RNF19A: variants seen among roughly 807,000 people sequenced by gnomAD.
RNF19A encodes ring finger protein 19A, RBR E3 ubiquitin protein ligase, also known as E3 ubiquitin-protein ligase RNF19A.
A neutral mutation model predicts 75.7 loss-of-function variants in RNF19A; 32 were observed. The ratio of observed to expected loss-of-function variants is 0.42; its 90% CI spans 0.32 to 0.57. The LOEUF (loss-of-function observed/expected upper bound fraction) is 0.57. Among genes scored for constraint, RNF19A ranks in the 20% least tolerant of loss-of-function variants. The pLI is 0.10. For synonymous variants in RNF19A, 335 were observed against 345.2 expected, an observed-to-expected ratio of 0.97 and a Z score of 0.33; for missense variants, 782 against 1,036.3, an observed-to-expected ratio of 0.75 and a Z score of 3.37.
At chr8:100,277,555 G>T (rs1030336255) in intron 2 of RNF19A, among the ~76,000 whole-genome samples, 3 of 151,902 alleles carry the variant, frequency 2.0e-5, no homozygotes, top group Admixed American at 6.6e-5. Context: ...CTTGTGATCT[G>T]CCCGCCTCAG....
chr8:100,298,374 A>C (rs1821671495), intron 1 of RNF19A, among the ~76,000 whole-genome samples: 1 of 152,212 alleles, frequency 6.6e-6, no homozygotes, highest in African/African-American at 2.4e-5. Context: ...ACCTACCTCA[A>C]GTGGTCTAAT....
chr8:100,274,937 A>C lies in RNF19A; in HGVS notation c.883+16T>G. 2.5e-6 allele frequency: 4 copies of C among 1,571,910 alleles called. No homozygotes were observed. Among genetic ancestry groups the C allele is most frequent in the Non-Finnish European group, 3.5e-6 (4 of 1,153,258 alleles). On this transcript the variant is annotated intron_variant, in intron 3 of 9. Coordinates refer to ENST00000341084, the MANE Select transcript of RNF19A (RefSeq NM_183419.4). The stretch of plus-strand genomic sequence containing the variant: ...TTGTGTCAAATATTTTATTAGAAAA[A>C]ATTAGACATAAATACCTGCTGCTCC...
intron 5 of RNF19A, among the ~76,000 whole-genome samples, chr8:100,265,763 G>T (rs921319944): frequency 1.3e-5 from 2 of 152,178 alleles, no homozygotes; most frequent in African/African-American, 4.8e-5. Context: ...GGGGTGGGAG[G>T]TGGGTGATGC....
chr8:100,314,620 ACTTT>A (rs772269196), upstream of RNF19A, among the ~76,000 whole-genome samples: 1 of 151,910 alleles, frequency 6.6e-6, no homozygotes. The surrounding 1 kb of genome is among the most constrained non-coding windows in gnomAD (Gnocchi z 4.1). Context: ...CACCCTGCTA[ACTTT>A]CTTTCTCTTT....
At chr8:100,297,953 T>G (rs1443287993) in intron 1 of RNF19A, among the ~76,000 whole-genome samples, 1 of 152,128 alleles carries the variant, frequency 6.6e-6, no homozygotes, top group South Asian at 2.1e-4. Context: ...ATATCTTGAG[T>G]TCAAGTTCAG....
At chr8:100,280,051 TATAATC>T (rs1257931624) in intron 2 of RNF19A, among the ~76,000 whole-genome samples, 1 of 152,214 alleles carries the variant, frequency 6.6e-6, no homozygotes, top group Non-Finnish European at 1.5e-5. Flanking sequence ...TATGATTACT[TATAATC>T]ATAATTCCTC....
chr8:100,305,819 A>C (rs1362203355), intron 1 of RNF19A, among the ~76,000 whole-genome samples: 1 of 152,210 alleles, frequency 6.6e-6, no homozygotes, highest in Non-Finnish European at 1.5e-5. Context: ...GTGATTATGC[A>C]TTAGAATAAC....
intron 1 of RNF19A, among the ~76,000 whole-genome samples, chr8:100,334,492 T>C (rs1033418313): frequency 2.6e-5 from 4 of 152,222 alleles, no homozygotes; most frequent in African/African-American, 9.6e-5. Flanking sequence ...GGCAAATTAG[T>C]TGAAGCCCCA....
intron 1 of RNF19A, chr8:100,309,605 C>T: frequency 4.2e-6 from 4 of 960,418 alleles, no homozygotes; most frequent in Non-Finnish European, 5.0e-6. Flanking sequence ...CCACCTCGGC[C>T]CCCGCGGCCC....
chr8:100,312,662 G>A (rs1563871904), upstream of RNF19A, among the ~76,000 whole-genome samples: 1 of 152,154 alleles, frequency 6.6e-6, no homozygotes. Context: ...AGTGGCTCAC[G>A]CCTGTAATCC....
rs185117238 is a variant in RNF19A at position 100,260,979 on chromosome 8, G to A, written c.1682+563C>T. ...GAGGTAAGATCTAGGCTTAAGTACT[G>A]CCTTTGCTTCAATGTCTACTGAAGC... On this transcript the variant is annotated intron_variant, in intron 8 of 9. Coordinates refer to ENST00000341084, the MANE Select transcript of RNF19A (RefSeq NM_183419.4). This position sits in a 1 kb window ranked among gnomAD's most constrained non-coding sequence, Gnocchi z 4.1. Among the ~76,000 whole-genome samples, 5 of 152,290 alleles carry A rather than the reference G, an allele frequency of 3.3e-5. No individual in the cohort carries two copies. Among genetic ancestry groups the A allele is most frequent in the East Asian group, 1.9e-4 (1 of 5,190 alleles).
chr8:100,319,518 A>C, intron 1 of RNF19A, among the ~76,000 whole-genome samples: 1 of 145,962 alleles, frequency 6.9e-6, no homozygotes, highest in African/African-American at 2.5e-5. Context: ...AGTTTTACCT[A>C]TCTGGTTCAC....
At position 100,275,028 on chromosome 8, in the gene RNF19A, C is replaced by G. The variant is rs1820437505; in HGVS notation, c.808G>C (p.Glu270Gln). ...CTCAAACGTAAGCTCTGGGCTCTCT[C>G]TTGTCGAGCAGCATCACAGGTCTGG... Reference protein sequence around the residue: ...PNQTCDAARQERAQSLRLRTI... With the variant: ...PNQTCDAARQQRAQSLRLRTI... Residue 270 changes from glutamate to glutamine, a missense_variant, in exon 3 of 10, where the codon GAG becomes CAG. By Grantham distance (29) the Glu-to-Gln change is conservative. Transcript: ENST00000341084. The surrounding 1 kb of genome is among the most constrained non-coding windows in gnomAD (Gnocchi z 4.3). 3 of 1,614,058 alleles carry G rather than the reference C, an allele frequency of 1.9e-6. No individual in the cohort carries two copies. The highest frequency in any genetic ancestry group is 2.5e-6 in the Non-Finnish European group (3 of 1,180,040).
At chr8:100,309,146 C>A (rs1822183892) in intron 1 of RNF19A, among the ~76,000 whole-genome samples, 1 of 152,132 alleles carries the variant, frequency 6.6e-6, no homozygotes, top group East Asian at 1.9e-4. Flanking sequence ...GTATTACTTG[C>A]CGGGCGAGGG....
Position 100,259,373 on chromosome 8 carries a change from C to T in RNF19A, c.1827-127G>A, listed in dbSNP as rs1819606960. 12 of 691,092 alleles carry T rather than the reference C, an allele frequency of 1.7e-5. No homozygotes were observed. In the East Asian group the frequency reaches 2.8e-4, roughly 16 times the overall value. The allele number at this position is 691,092 out of a possible 1,614,324, so 42.8% of individuals were successfully genotyped here. A position where few individuals can be genotyped will look rare whatever the true frequency, so the allele number is the denominator to read the frequency against. On this transcript the variant is annotated intron_variant, in intron 9 of 9. Transcript: ENST00000341084. This position sits in a 1 kb window ranked among gnomAD's most constrained non-coding sequence, Gnocchi z 4.5. The stretch of plus-strand genomic sequence containing the variant: ...GCTATGAGAACACCTTAACGCAGAA[C>T]ACGTTCTACTTAAAAAACATACTTG...
At chr8:100,282,664 A>G (rs1426712114) in intron 2 of RNF19A, among the ~76,000 whole-genome samples, 1 of 152,216 alleles carries the variant, frequency 6.6e-6, no homozygotes, top group African/African-American at 2.4e-5. Flanking sequence ...GGATAAAATC[A>G]AAGTAGGATC....
rs1310305151 is a variant in RNF19A, at chr8:100,260,778, A to G, written c.1682+764T>C. On this transcript the variant is annotated intron_variant, in intron 8 of 9. Coordinates refer to ENST00000341084, the MANE Select transcript of RNF19A (RefSeq NM_183419.4). The surrounding 1 kb of genome is among the most constrained non-coding windows in gnomAD (Gnocchi z 4.1). The stretch of plus-strand genomic sequence containing the variant: ...GGAAGATAATTTTTCCTACTTATCT[A>G]TATGGCTATTGATAAAAGACTTGGT... Among the ~76,000 whole-genome samples the G allele has an allele frequency of 6.6e-6, 1 of 152,232 alleles. No homozygotes were observed. Among genetic ancestry groups the G allele is most frequent in the Non-Finnish European group, 1.5e-5 (1 of 68,040 alleles).
rs960130912 is a variant in RNF19A at position 100,264,416 on chromosome 8, T to C, written c.1307-221A>G. On this transcript the variant is annotated intron_variant, in intron 6 of 9. Transcript: ENST00000341084. The surrounding 1 kb of genome is among the most constrained non-coding windows in gnomAD (Gnocchi z 4.7). ...GCACATAAGGGGAAAAAGAGAGAGATGCAAACTTTTTTCTTTTGAAGTGCC... is the reference window on the plus strand; with the variant it reads ...GCACATAAGGGGAAAAAGAGAGAGACGCAAACTTTTTTCTTTTGAAGTGCC... 6 of 577,314 alleles carry C rather than the reference T, an allele frequency of 1.0e-5. No homozygotes were observed. Among genetic ancestry groups the C allele is most frequent in the African/African-American group, 1.9e-5 (1 of 53,588 alleles). 35.8% of individuals were successfully genotyped at this position (577,314 alleles called of 1,614,324 possible). A position where few individuals can be genotyped will look rare whatever the true frequency, so the allele number is the denominator to read the frequency against.
chr8:100,260,783 G>A lies in RNF19A; in HGVS notation c.1682+759C>T, dbSNP rs1586589516. Among the ~76,000 whole-genome samples, 1 of 152,074 alleles carries A rather than the reference G, an allele frequency of 6.6e-6. No individual in the cohort carries two copies. Among genetic ancestry groups the A allele is most frequent in the East Asian group, 1.9e-4 (1 of 5,202 alleles). On this transcript the variant is annotated intron_variant, in intron 8 of 9. Coordinates refer to ENST00000341084, the MANE Select transcript of RNF19A (RefSeq NM_183419.4). This position sits in a 1 kb window ranked among gnomAD's most constrained non-coding sequence, Gnocchi z 4.1. ...ATAATTTTTCCTACTTATCTATATGGCTATTGATAAAAGACTTGGTGAGAA... is the reference window on the plus strand; with the variant it reads ...ATAATTTTTCCTACTTATCTATATGACTATTGATAAAAGACTTGGTGAGAA...
Sources: allele counts gnomAD v4.1 joint callset (sites outside exome capture counted in the v4.1 genomes callset), GRCh38; gene constraint gnomAD v4.1.1; non-coding constraint Gnocchi (gnomAD v3.1); transcripts MANE v1.5; gene names NCBI Gene and HGNC (gene_info 2026-07-23, HGNC 2026-07-21).